Variants in MAPKBP1 observed in about 807,000 individuals in gnomAD.
The protein encoded by MAPKBP1 is mitogen-activated protein kinase binding protein 1.
MAPKBP1 carries 71 observed loss-of-function variants against 170.5 expected under a neutral mutation model. That is an observed-to-expected ratio of 0.42 (90% CI 0.34 to 0.51). MAPKBP1 has a LOEUF of 0.51. Ranked by LOEUF, MAPKBP1 falls within the 20% of genes least tolerant of loss-of-function variation. The pLI is 0.06. For missense variants in MAPKBP1, 1,598 were observed against 1,933.0 expected (o/e 0.83, Z 3.25); for synonymous variants, 719 against 757.9 (o/e 0.95, Z 0.84).
rs917972375 is a variant in MAPKBP1 at position 41,826,269 on chromosome 15, T to C, written c.*833T>C. ...GGCTGCTGGAGCCCAGAGGCCACCT[T>C]CTCCCTGCATCCTGAATGATGCTTA... On this transcript the variant is annotated 3_prime_UTR_variant, in exon 31 of 31. Coordinates refer to ENST00000457542, the MANE Select transcript of MAPKBP1 (RefSeq NM_014994.3). The C allele has an allele frequency of 6.6e-6, 1 of 152,652 alleles. No homozygotes were observed. The highest frequency in any genetic ancestry group is 2.1e-4 in the South Asian group (1 of 4,828). The allele number at this position is 152,652 out of a possible 1,614,324, so 9.5% of individuals were successfully genotyped here.
chr15:41,816,359 C>T, intron 12 of MAPKBP1, 200 bp from the exon 13 acceptor site: 2 of 558,454 alleles, frequency 3.6e-6, no homozygotes, highest in East Asian at 2.8e-5. Flanking sequence ...TTGATAATTG[C>T]ACTATCGTTA....
chr15:41,781,147 C>T (rs2064179924), intron 2 of MAPKBP1, among the ~76,000 whole-genome samples: 1 of 151,354 alleles, frequency 6.6e-6, no homozygotes, highest in Non-Finnish European at 1.5e-5. Context: ...GTGATCTCAG[C>T]TCACTGCAAC....
Position 41,803,434 on chromosome 15 carries a change from A to AAAAAAAAAAAAAAAAAAAG in MAPKBP1, c.206+3521_206+3522insAAAAAAAAAAAAAAAAAGA, listed in dbSNP as rs58804270. On this transcript the variant is annotated intron_variant, in intron 3 of 30. Coordinates refer to ENST00000457542, the MANE Select transcript of MAPKBP1 (RefSeq NM_014994.3). ...ATCTCAAAAAAAAAAAAAAAAAAAA[A>AAAAAAAAAAAAAAAAAAAG]AGGTTAAGCAGGCAGGGTGCAGTGG... Among the ~76,000 whole-genome samples, 47 of 90,764 alleles carry AAAAAAAAAAAAAAAAAAAG rather than the reference A, an allele frequency of 5.2e-4. 19 individuals carry two copies. The highest frequency in any genetic ancestry group is 1.4e-3 in the East Asian group (3 of 2,090). The allele number at this position is 90,764 out of a possible 152,430, so 59.5% of individuals were successfully genotyped here.
rs2065077449 is a variant in MAPKBP1, at chr15:41,825,594, GTATT to G, written c.*163_*166del. 6.9e-6 allele frequency: 4 copies of G among 582,856 alleles called. No homozygotes were observed. The highest frequency in any genetic ancestry group is 1.2e-5 in the Non-Finnish European group (4 of 340,826). The allele number at this position is 582,856 out of a possible 1,614,324, so 36.1% of individuals were successfully genotyped here. A position where few individuals can be genotyped will look rare whatever the true frequency, so the allele number is the denominator to read the frequency against. On this transcript the variant is annotated 3_prime_UTR_variant, in exon 31 of 31. Transcript: ENST00000457542. ...CCCAGCCGCTCCTCGTGGGGGGCCT[GTATT>G]TATTAATTTATTTCCCTGACTGTTG...
chr15:41,818,841 C>T lies in MAPKBP1; in HGVS notation c.2175C>T (p.Arg725=). 1 of 1,614,174 alleles carries T rather than the reference C, an allele frequency of 6.2e-7. No homozygotes were observed. The highest frequency in any genetic ancestry group is 2.2e-5 in the East Asian group (1 of 44,882). The part of the protein sequence containing the change: ...VSGDSCIFVW[R]LSSEMTISMR... ...ACCCCAGCTGCATATTTGTGTGGCG[C>T]CTGAGCTCTGAGATGACCATCAGCA... is the stretch of plus-strand genomic sequence containing the variant. Residue 725 remains arginine (R), a synonymous_variant, in exon 20 of 31, where the codon CGC becomes CGT. Coordinates refer to ENST00000457542, the MANE Select transcript of MAPKBP1 (RefSeq NM_014994.3). This position sits in a 1 kb window ranked among gnomAD's most constrained non-coding sequence, Gnocchi z 5.2.
At position 41,821,059 on chromosome 15, in the gene MAPKBP1, C is replaced by T. The variant is rs1205369009; in HGVS notation, c.2709C>T (p.Leu903=). ...KHGQEALETS[L]TSQNEKPPRP... The stretch of plus-strand genomic sequence containing the variant: ...GGCAGGAGGCCCTTGAGACTTCACT[C>T]ACTAGCCAGGTGAGCCTGCTTTCTC... The change falls in exon 23 of 31, where the codon CTC becomes CTT. Residue 903 remains leucine, a synonymous_variant. Transcript: ENST00000457542. 9 of 1,613,950 alleles carry T rather than the reference C, an allele frequency of 5.6e-6. No individual in the cohort carries two copies. The highest frequency in any genetic ancestry group is 7.6e-6 in the Non-Finnish European group (9 of 1,179,940).
chr15:41,801,173 A>G (rs1368919302), intron 3 of MAPKBP1, among the ~76,000 whole-genome samples: 1 of 152,182 alleles, frequency 6.6e-6, no homozygotes, highest in Non-Finnish European at 1.5e-5. Flanking sequence ...GGTTGTTTCT[A>G]CTTCTTAGCT....
At position 41,818,652 on chromosome 15, in the gene MAPKBP1, C is replaced by G. The variant is rs2064933427; in HGVS notation, c.2156+70C>G. The stretch of plus-strand genomic sequence containing the variant: ...CACAGCACCCTGCCCTCCCCTCTCT[C>G]CATTTCAGTGATGTCTCTGGGAAGT... On this transcript the variant is annotated intron_variant, in intron 19 of 30. Transcript: ENST00000457542. This position sits in a 1 kb window ranked among gnomAD's most constrained non-coding sequence, Gnocchi z 5.2. The G allele has an allele frequency of 2.0e-6, 3 of 1,528,920 alleles. No individual in the cohort carries two copies. The highest frequency in any genetic ancestry group is 2.7e-6 in the Non-Finnish European group (3 of 1,118,758). The allele number at this position is 1,528,920 out of a possible 1,614,324, so 94.7% of individuals were successfully genotyped here.
intron 2 of MAPKBP1, among the ~76,000 whole-genome samples, chr15:41,776,128 G>A (rs1354144802): frequency 6.6e-6 from 1 of 152,138 alleles, no homozygotes; most frequent in Non-Finnish European, 1.5e-5. Context: ...CACAACTTTG[G>A]GAATCCAGAA....
chr15:41,795,004 A>G (rs1234088545), intron 2 of MAPKBP1, among the ~76,000 whole-genome samples: 1 of 152,002 alleles, frequency 6.6e-6, no homozygotes, highest in Non-Finnish European at 1.5e-5. Flanking sequence ...GTCTCTACCA[A>G]AAATACAAAA....
At position 41,816,319 on chromosome 15, in the gene MAPKBP1, T is replaced by C. The variant is rs2152080632; in HGVS notation, c.1494-240T>C. The C allele has an allele frequency of 5.8e-6, 3 of 516,296 alleles. No homozygotes were observed. The South Asian group carries it at 9.4e-5, about 16-fold the overall frequency. The allele number at this position is 516,296 out of a possible 1,614,324, so 32.0% of individuals were successfully genotyped here. A position where few individuals can be genotyped will look rare whatever the true frequency, so the allele number is the denominator to read the frequency against. ...AAATTTGAATAAGGTCTCTAATTAA[T>C]AGTATTATACCAACATAAATTTCCT... On this transcript the variant is annotated intron_variant, in intron 12 of 30. Transcript: ENST00000457542.
In MAPKBP1 at chr15:41,797,959, A is replaced by G. The variant is rs1022245257; in HGVS notation, c.115-1864A>G. 2.6e-5 allele frequency among the ~76,000 whole-genome samples: 4 copies of G among 152,104 alleles called. No homozygotes were observed. The South Asian group carries it at 8.3e-4, about 32-fold the overall frequency. On this transcript the variant is annotated intron_variant, in intron 2 of 30. Coordinates refer to ENST00000457542, the MANE Select transcript of MAPKBP1 (RefSeq NM_014994.3). ...AAACGATCTTCAGAGATAAGAATTT[A>G]AACAGGTTCAGCCGGGTGCGGTGGC...
At chr15:41,779,132 A>G (rs116916788) in intron 2 of MAPKBP1, among the ~76,000 whole-genome samples, 3,194 of 152,304 alleles carry the variant, frequency 0.021, 47 homozygotes, top group South Asian at 0.054. Flanking sequence ...GGTGGGTTTC[A>G]TGAAGGAGAA....
At chr15:41,795,629 C>T (rs983002103) in intron 2 of MAPKBP1, among the ~76,000 whole-genome samples, 12 of 152,056 alleles carry the variant, frequency 7.9e-5, no homozygotes, top group African/African-American at 2.9e-4. Context: ...ATTTTTGAGA[C>T]AGAGTCTCGC....
Position 41,820,863 on chromosome 15 carries a change from C to A in MAPKBP1, c.2513C>A (p.Ala838Asp), listed in dbSNP as rs748404420. The change falls in exon 23 of 31, where the codon GCT (alanine) becomes GAT (aspartate). Residue 838 changes from alanine (A) to aspartate (D), a missense_variant. Ala to Asp is a moderately radical substitution (Grantham distance 126, BLOSUM62 -2). Coordinates refer to ENST00000457542, the MANE Select transcript of MAPKBP1 (RefSeq NM_014994.3). ...GAGTCCGTGGGGTTCCTGGACCCAG[C>A]TCCTGCAGCCAACCCAGGACCCAGA... is the stretch of plus-strand genomic sequence containing the variant. ...AQESVGFLDP[A>D]PAANPGPRRR... 11 of 1,613,982 alleles carry A rather than the reference C, an allele frequency of 6.8e-6. No homozygotes were observed. The South Asian group carries it at 1.2e-4, about 18-fold the overall frequency.
chr15:41,819,557 G>GGGGGGGGGGC, intron 21 of MAPKBP1, 38 bp from the exon 22 acceptor site: 2 of 1,384,684 alleles, frequency 1.4e-6, no homozygotes, highest in Non-Finnish European at 2.0e-6. Context: ...CGGGGGGGGG[G>GGGGGGGGGGC]CAGGAGACAC....
chr15:41,795,756 G>A (rs999991141), intron 2 of MAPKBP1, among the ~76,000 whole-genome samples: 2 of 152,098 alleles, frequency 1.3e-5, no homozygotes, highest in African/African-American at 2.4e-5. Flanking sequence ...ACAGGTGCAC[G>A]GCGTCACGCC....
rs555720139 is a variant in MAPKBP1, at chr15:41,813,030, T to G, written c.748T>G (p.Cys250Gly). The G allele has an allele frequency of 1.2e-6, 2 of 1,614,020 alleles. No homozygotes were observed. Among genetic ancestry groups the G allele is most frequent in the Admixed American group, 3.3e-5 (2 of 59,996 alleles). ...AGGAAAAAAGGCGGACAGTACCTTC[T>G]GCATCACGTCCTCAGGGCTGCTGTG... ...GRGKKADSTF[C>G]ITSSGLLCEF... The change falls in exon 8 of 31, where the codon TGC becomes GGC. Residue 250 changes from cysteine (C) to glycine (G), a missense_variant. By Grantham distance (159) the Cys-to-Gly change is radical. Transcript: ENST00000457542.
At chr15:41,777,591 AAATG>A (rs1470652850) in intron 2 of MAPKBP1, among the ~76,000 whole-genome samples, 1 of 152,204 alleles carries the variant, frequency 6.6e-6, no homozygotes, top group East Asian at 1.9e-4. Flanking sequence ...TCTGGCAGCA[AAATG>A]ACTGGTGCAT....
Sources: allele counts gnomAD v4.1 joint callset (sites outside exome capture counted in the v4.1 genomes callset), GRCh38; gene constraint gnomAD v4.1.1; non-coding constraint Gnocchi (gnomAD v3.1); transcripts MANE v1.5; gene names NCBI Gene and HGNC (gene_info 2026-07-23, HGNC 2026-07-21).